The following TANC1 variants were observed in gnomAD, a reference collection of about 807,000 sequenced individuals.
The protein encoded by TANC1 is tetratricopeptide repeat, ankyrin repeat and coiled-coil containing 1.
A neutral mutation model predicts 149.7 loss-of-function variants in TANC1; 77 were observed. The observed-to-expected ratio is 0.51, with a 90% CI of 0.43 to 0.62. The LOEUF (loss-of-function observed/expected upper bound fraction) is 0.62, where lower values mean the gene tolerates loss of function less well. Ranked by LOEUF, TANC1 falls within the 20% of genes least tolerant of loss-of-function variation. The probability of loss-of-function intolerance (pLI) is 0.00; values close to 1 mark genes in which losing one functional copy is unlikely to be tolerated. For synonymous variants in TANC1, 854 were observed against 925.0 expected, an observed-to-expected ratio of 0.92 and a Z score of 1.39; for missense variants, 1,985 against 2,321.8, an observed-to-expected ratio of 0.85 and a Z score of 2.98.
intron 4 of TANC1, 44 bp from the exon 5 acceptor site, chr2:159,136,150 G>A: frequency 8.5e-7 from 1 of 1,170,038 alleles, no homozygotes; most frequent in Non-Finnish European, 1.3e-6. Context: ...GGCTTTGTTT[G>A]CATCTGGAAA....
chr2:159,154,780 G>A (rs1471317770), intron 7 of TANC1, among the ~76,000 whole-genome samples: 1 of 151,728 alleles, frequency 6.6e-6, no homozygotes, highest in Non-Finnish European at 1.5e-5. Flanking sequence ...AAAATCATTG[G>A]CATTACCTAG....
chr2:159,113,038 G>A (rs1252682723), intron 4 of TANC1, among the ~76,000 whole-genome samples: 1 of 151,930 alleles, frequency 6.6e-6, no homozygotes, highest in Non-Finnish European at 1.5e-5. Context: ...GGGCTTAATC[G>A]ATCCTCCCAC....
At chr2:159,100,159 A>G (rs981553032) in intron 4 of TANC1, among the ~76,000 whole-genome samples, 4 of 152,196 alleles carry the variant, frequency 2.6e-5, no homozygotes, top group African/African-American at 9.7e-5. Flanking sequence ...TTGCCTACCT[A>G]TAGTCTGTGC....
intron 5 of TANC1, among the ~76,000 whole-genome samples, chr2:159,139,814 C>T (rs984932727): frequency 7.9e-5 from 12 of 152,168 alleles, no homozygotes; most frequent in African/African-American, 2.4e-4. Context: ...CAATGTGAAA[C>T]TATCTTCTGG....
intron 1 of TANC1, among the ~76,000 whole-genome samples, chr2:158,975,376 G>C (rs1443126810): frequency 6.6e-6 from 1 of 152,074 alleles, no homozygotes; most frequent in African/African-American, 2.4e-5. Flanking sequence ...AGGGTAAGGT[G>C]GATGCGTCCC....
chr2:159,121,795 C>A (rs545183053), intron 4 of TANC1, among the ~76,000 whole-genome samples: 25 of 152,270 alleles, frequency 1.6e-4, no homozygotes, highest in African/African-American at 5.5e-4. Flanking sequence ...ATTTACAGAC[C>A]TGTAAACTAG....
intron 4 of TANC1, among the ~76,000 whole-genome samples, chr2:159,108,192 C>T (rs1363707003): frequency 3.3e-5 from 5 of 152,174 alleles, no homozygotes; most frequent in East Asian, 1.9e-4. Context: ...AGAAAAGTGA[C>T]GCTTTAGGTC....
At chr2:159,131,686 A>T (rs552649291) in intron 4 of TANC1, among the ~76,000 whole-genome samples, 25 of 152,202 alleles carry the variant, frequency 1.6e-4, no homozygotes, top group Non-Finnish European at 2.6e-4. Flanking sequence ...TGGTGTTTTG[A>T]GAGGGAGTGG....
intron 1 of TANC1, among the ~76,000 whole-genome samples, chr2:158,979,778 A>T (rs900929956): frequency 1.3e-5 from 2 of 152,238 alleles, no homozygotes; most frequent in Non-Finnish European, 2.9e-5. Flanking sequence ...TTCATTGTAG[A>T]TTCCCAAGGC....
chr2:159,015,901 A>C (rs1042710383), intron 2 of TANC1, among the ~76,000 whole-genome samples: 1 of 152,280 alleles, frequency 6.6e-6, no homozygotes, highest in South Asian at 2.1e-4. Flanking sequence ...AAAGCCATTC[A>C]ACAAGTCTCT....
At position 159,178,874 on chromosome 2, in the gene TANC1, T is replaced by G. The variant is rs767767695; in HGVS notation, c.2221T>G (p.Cys741Gly). 6.2e-7 allele frequency: 1 copy of G among 1,614,186 alleles called. No individual in the cohort carries two copies. Among genetic ancestry groups the G allele is most frequent in the Non-Finnish European group, 8.5e-7 (1 of 1,180,042 alleles). ...TCTCTCTGAGCTCTATTTGCTTCAG[T>G]GCAACATGAAGTTCATGACCCAGTC... ...VSLSELYLLQ[C>G]NMKFMTQSAF... Residue 741 changes from cysteine (C) to glycine (G), a missense_variant, in exon 14 of 27, where the codon TGC (cysteine) becomes GGC (glycine). Cys to Gly is a radical substitution (Grantham distance 159). Around this residue, in one of 3 missense-constraint regions of TANC1, gnomAD observed 508 missense variants for 714.2 expected, o/e 0.71. Coordinates refer to ENST00000263635, the MANE Select transcript of TANC1 (RefSeq NM_033394.3).
chr2:159,177,844 G>A (rs2056042562), intron 13 of TANC1, among the ~76,000 whole-genome samples: 1 of 152,186 alleles, frequency 6.6e-6, no homozygotes, highest in Admixed American at 6.5e-5. Context: ...TGAGGCTTCT[G>A]GGAGCTGAGG....
intron 3 of TANC1, among the ~76,000 whole-genome samples, chr2:159,069,165 G>T (rs1012072578): frequency 6.6e-6 from 1 of 152,120 alleles, no homozygotes; most frequent in Non-Finnish European, 1.5e-5. Context: ...TTATAGCTGG[G>T]CAAAAAGTGT....
intron 4 of TANC1, among the ~76,000 whole-genome samples, chr2:159,127,542 T>A (rs540931027): frequency 6.6e-6 from 1 of 152,232 alleles, no homozygotes; most frequent in African/African-American, 2.4e-5. Flanking sequence ...ATAGTAAAGA[T>A]GTGGAATCAA....
intron 4 of TANC1, among the ~76,000 whole-genome samples, chr2:159,120,446 AT>A (rs1188317036): frequency 6.6e-6 from 1 of 152,108 alleles, no homozygotes; most frequent in African/African-American, 2.4e-5. Context: ...TGGAGGGACT[AT>A]TTTGAGCCTT....
chr2:159,169,152 C>A, intron 8 of TANC1, 98 bp from the exon 9 acceptor site: 1 of 893,438 alleles, frequency 1.1e-6, no homozygotes, highest in Non-Finnish European at 1.7e-6. Flanking sequence ...TTGTTGAAAG[C>A]CTGAACTGAA....
chr2:159,064,010 A>G (rs1461002882), intron 2 of TANC1, among the ~76,000 whole-genome samples: 1 of 152,214 alleles, frequency 6.6e-6, no homozygotes, highest in Non-Finnish European at 1.5e-5. Flanking sequence ...GGGACCTTGC[A>G]TGAGCTTCGG....
chr2:159,073,074 G>T (rs264650), intron 3 of TANC1, among the ~76,000 whole-genome samples: 10,705 of 152,236 alleles, frequency 0.07, 561 homozygotes, highest in East Asian at 0.15. Flanking sequence ...AAACTGAAAG[G>T]CTTTTCTCCT....
intron 7 of TANC1, among the ~76,000 whole-genome samples, chr2:159,152,139 T>C (rs915275474): frequency 1.3e-5 from 2 of 152,246 alleles, no homozygotes; most frequent in African/African-American, 4.8e-5. Flanking sequence ...CTTGAAGGCC[T>C]TCCAGTGAGC....
Sources: allele counts gnomAD v4.1 joint callset (sites outside exome capture counted in the v4.1 genomes callset), GRCh38; gene constraint gnomAD v4.1.1; regional missense constraint gnomAD v4.1.1; transcripts MANE v1.5; gene names NCBI Gene and HGNC (gene_info 2026-07-23, HGNC 2026-07-21).